AIFM3: variants seen among roughly 807,000 people sequenced by gnomAD.
The protein encoded by AIFM3 is AIF family member 3, also known as apoptosis-inducing factor 3.
A neutral mutation model predicts 82.7 loss-of-function variants in AIFM3; 71 were observed. That is an observed-to-expected ratio of 0.86 (90% CI 0.71 to 1.05). The LOEUF (loss-of-function observed/expected upper bound fraction) is 1.05. Among genes scored for constraint, AIFM3 ranks in the 50% least tolerant of loss-of-function variants. AIFM3 has a pLI of 0.00. For missense variants in AIFM3, 748 were observed against 816.7 expected, an observed-to-expected ratio of 0.92 and a Z score of 1.03; for synonymous variants, 337 against 329.1, an observed-to-expected ratio of 1.02 and a Z score of -0.26.
In AIFM3 at chr22:20,976,723, T is replaced by G. The variant is rs371098629; in HGVS notation, c.1103T>G (p.Phe368Cys). ...VSVVELEETP[F>C]RRFLGERVGR... is the part of the protein sequence containing the mutation. Reference sequence around the variant, plus strand: ...GTGGTGGAGCTGGAGGAGACGCCCTTCAGGAGGTTCCTGGGGGAGCGCGTG... The same window carrying G: ...GTGGTGGAGCTGGAGGAGACGCCCTGCAGGAGGTTCCTGGGGGAGCGCGTG... The change falls in exon 12 of 21, where the codon TTC becomes TGC. Residue 368 changes from phenylalanine (F) to cysteine (C), a missense_variant. Transcript: ENST00000440238. 350 of 1,609,850 alleles carry G rather than the reference T, an allele frequency of 2.2e-4. No homozygotes were observed. The highest frequency in any genetic ancestry group is 2.9e-4 in the Non-Finnish European group (340 of 1,178,110).
rs1397669195 is a variant in AIFM3, at chr22:20,980,024, G to C, written c.1657G>C (p.Asp553His). The change falls in exon 19 of 21, where the codon GAC (aspartate) becomes CAC (histidine). Residue 553 changes from aspartate to histidine, a missense_variant. Coordinates refer to ENST00000440238, the MANE Select transcript of AIFM3 (RefSeq NM_001386814.1). ...LKFVAFYTKGDEVIAVASMNY... is the reference protein window; with the variant it reads ...LKFVAFYTKGHEVIAVASMNY... ...TTGGCCATCCTCTCCTTGCAGAGGC[G>C]ACGAGGTGATCGCCGTGGCCAGCAT... The C allele has an allele frequency of 1.3e-5, 21 of 1,610,370 alleles. No individual in the cohort carries two copies. Among genetic ancestry groups the C allele is most frequent in the Non-Finnish European group, 1.8e-5 (21 of 1,179,796 alleles).
chr22:20,967,657 A>G, intron 1 of AIFM3, 148 bp from the exon 2 acceptor site: 1 of 504,980 alleles, frequency 2.0e-6, no homozygotes, highest in African/African-American at 2.0e-5. Flanking sequence ...GGTGACCTCC[A>G]GGGCCCCACG....
Position 20,973,780 on chromosome 22 carries a change from TG to T in AIFM3, c.273del (p.Lys92ArgfsTer5). ...NGQMREVELG[W>X]GKVLLVKDNG... ...CAGGATGCGGGAAGTGGAGCTGGGC[TG>T]GGGGAAGGTGTTGCTGGTGAAGGAC... On this transcript the variant is annotated frameshift_variant, in exon 4 of 21. Transcript: ENST00000440238. LOFTEE classifies it high-confidence loss of function. The T allele has an allele frequency of 1.3e-6, 2 of 1,578,056 alleles. No individual in the cohort carries two copies. Among genetic ancestry groups the T allele is most frequent in the Non-Finnish European group, 8.6e-7 (1 of 1,162,036 alleles).
In AIFM3 at chr22:20,976,619, G is replaced by T. The variant is rs751028058; in HGVS notation, c.1031-32G>T. 13 of 1,612,222 alleles carry T rather than the reference G, an allele frequency of 8.1e-6. No individual in the cohort carries two copies. In the African/African-American group the frequency reaches 1.6e-4, roughly 20 times the overall value. ...GAAGTTCTGGTCGAGGAAGGTGCAG[G>T]TGCCAGCCTGCCACCCCCTGCCCAT... On this transcript the variant is annotated intron_variant, in intron 11 of 20. Coordinates refer to ENST00000440238, the MANE Select transcript of AIFM3 (RefSeq NM_001386814.1).
chr22:20,980,855 A>C, intron 20 of AIFM3, 88 bp downstream of exon 20: 1 of 1,610,344 alleles, frequency 6.2e-7, no homozygotes, highest in Non-Finnish European at 8.5e-7. Flanking sequence ...CCTCTGTCCA[A>C]GTACACCTCC....
At position 20,968,047 on chromosome 22, in the gene AIFM3, C is replaced by G. The variant is rs922452720; in HGVS notation, c.31+72C>G. The G allele has an allele frequency of 4.8e-6, 7 of 1,467,468 alleles. No individual in the cohort carries two copies. In the Admixed American group the frequency reaches 1.4e-4, roughly 29 times the overall value. The allele number at this position is 1,467,468 out of a possible 1,614,324, so 90.9% of individuals were successfully genotyped here. ...TCCTCCTCCCCCGTCTCCCCCCCCT[C>G]CCCCTCTGCACTCGGTAGGCCTCCG... On this transcript the variant is annotated intron_variant, in intron 2 of 20. Transcript: ENST00000440238.
intron 19 of AIFM3, 168 bp from the exon 20 acceptor site, chr22:20,980,579 C>T (rs758578751): frequency 6.2e-6 from 5 of 803,636 alleles, no homozygotes; most frequent in African/African-American, 3.3e-5. Flanking sequence ...GAGATTCACC[C>T]TCTGGGAGAG....
intron 2 of AIFM3, among the ~76,000 whole-genome samples, chr22:20,971,446 G>C (rs571016738): frequency 2.6e-5 from 4 of 152,160 alleles, no homozygotes; most frequent in Non-Finnish European, 4.4e-5. Context: ...AGGGGACCTG[G>C]CCAGCGTGGA....
intron 2 of AIFM3, among the ~76,000 whole-genome samples, chr22:20,972,402 CA>C (rs58947717): frequency 0.66 from 82,322 of 125,614 alleles, 24,641 homozygotes; most frequent in East Asian, 0.69. Flanking sequence ...AACTCCATCT[CA>C]AAAAAAAAAA....
rs761157575 is a variant in AIFM3 at position 20,979,293 on chromosome 22, G to A, written c.1500G>A (p.Met500Ile). Residue 500 changes from methionine (M) to isoleucine (I), a missense_variant, in exon 17 of 21, where the codon ATG (methionine) becomes ATA (isoleucine). Around this residue, in one of 5 missense-constraint regions of AIFM3, gnomAD observed 183 missense variants for 158.2 expected, o/e 1.16. Coordinates refer to ENST00000440238, the MANE Select transcript of AIFM3 (RefSeq NM_001386814.1). ...HAQGRVAAQN[M>I]LAQEAEMSTV... The stretch of plus-strand genomic sequence containing the variant: ...CAGGGCGCGTGGCAGCCCAGAACAT[G>A]TTGGCGCAGGAGGCGGAGATGAGCA... 1.5e-5 allele frequency: 24 copies of A among 1,559,094 alleles called. No individual in the cohort carries two copies. The highest frequency in any genetic ancestry group is 2.0e-5 in the Non-Finnish European group (23 of 1,151,046).
rs1923737953 is a variant in AIFM3, at chr22:20,977,128, C to T, written c.1282+33C>T. 5 of 1,613,174 alleles carry T rather than the reference C, an allele frequency of 3.1e-6. No homozygotes were observed. The East Asian group carries it at 1.1e-4, about 36-fold the overall frequency. Reference sequence around the variant, plus strand: ...GGTGTGTGGGCAGGCAGGCACAAAGCAGCCCAGCCGTCTGCACATGCTCAC... The same window carrying T: ...GGTGTGTGGGCAGGCAGGCACAAAGTAGCCCAGCCGTCTGCACATGCTCAC... On this transcript the variant is annotated intron_variant, in intron 14 of 20. Transcript: ENST00000440238.
intron 16 of AIFM3, 100 bp downstream of exon 16, chr22:20,978,105 C>CTG (rs2308104): frequency 0.92 from 1,000,226 of 1,082,076 alleles, 465,653 homozygotes; most frequent in East Asian, 0.96. Context: ...GTCCTGGACA[C>CTG]TGTTAGGCAT....
At position 20,977,793 on chromosome 22, in the gene AIFM3, TG is replaced by T. The variant is rs746795529; in HGVS notation, c.1359+20del. Reference sequence around the variant, plus strand: ...GTCAACAAGGTGGGGTGGATGGCACTGGGTGGGGAGGACCCGGTGCTGGGCT... The same window carrying T: ...GTCAACAAGGTGGGGTGGATGGCACTGGTGGGGAGGACCCGGTGCTGGGCT... On this transcript the variant is annotated intron_variant, in intron 15 of 20. Transcript: ENST00000440238. 6.2e-7 allele frequency: 1 copy of T among 1,614,092 alleles called. No individual in the cohort carries two copies. Among genetic ancestry groups the T allele is most frequent in the Non-Finnish European group, 8.5e-7 (1 of 1,179,962 alleles).
At chr22:20,973,547 G>T in intron 3 of AIFM3, 27 bp downstream of exon 3, 1 of 1,593,872 alleles carries the variant, frequency 6.3e-7, no homozygotes, top group Non-Finnish European at 8.5e-7. Flanking sequence ...CCTGGGAGCG[G>T]GGATCAGGGG....
chr22:20,973,705 C>G (rs1923425130), intron 3 of AIFM3, 53 bp from the exon 4 acceptor site: 2 of 1,473,220 alleles, frequency 1.4e-6, no homozygotes, highest in African/African-American at 2.8e-5. Flanking sequence ...GAGGAGCTGC[C>G]AGGAGGTTGT....
chr22:20,979,208 G>A (rs950868637), intron 16 of AIFM3, 63 bp from the exon 17 acceptor site: 4 of 1,517,974 alleles, frequency 2.6e-6, no homozygotes, highest in East Asian at 4.9e-5. Context: ...AGGGCATCAG[G>A]AGCAGGTAGT....
chr22:20,969,010 G>A (rs907332235), intron 2 of AIFM3, among the ~76,000 whole-genome samples: 5 of 152,166 alleles, frequency 3.3e-5, no homozygotes, highest in Admixed American at 6.5e-5. Flanking sequence ...TTCCTCCCCC[G>A]CTCCTGTGCT....
chr22:20,973,269 G>C, intron 2 of AIFM3, 38 bp from the exon 3 acceptor site: 1 of 1,549,244 alleles, frequency 6.5e-7, no homozygotes, highest in Admixed American at 2.0e-5. Context: ...GAGGAAGTTG[G>C]CTGAGGTGGG....
chr22:20,980,899 C>T (rs1924068938), intron 20 of AIFM3, 93 bp from the exon 21 acceptor site: 2 of 1,607,536 alleles, frequency 1.2e-6, no homozygotes. Context: ...CAGAACAGAC[C>T]CCCTGCTGTC....
Sources: gnomAD v4.1 joint callset for allele counts (sites outside exome capture counted in the v4.1 genomes callset) on GRCh38, gnomAD v4.1.1 for gene constraint, gnomAD v4.1.1 regional missense constraint, MANE v1.5 for transcripts, NCBI Gene and HGNC (gene_info 2026-07-23, HGNC 2026-07-21) for gene names.